Variants in BRI3BP observed in about 807,000 individuals in gnomAD.
The protein encoded by BRI3BP is BRI3 binding protein.
BRI3BP carries 7 observed loss-of-function variants against 15.8 expected under a neutral mutation model. That is an observed-to-expected ratio of 0.44 (90% CI 0.25 to 0.83). The LOEUF (loss-of-function observed/expected upper bound fraction) is 0.83, where lower values mean the gene tolerates loss of function less well. Ranked by LOEUF, BRI3BP falls within the 40% of genes least tolerant of loss-of-function variation. The pLI is 0.20. For missense variants in BRI3BP, 320 were observed against 339.3 expected (o/e 0.94, Z 0.45); for synonymous variants, 192 against 163.5 (o/e 1.17, Z -1.33).
chr12:125,005,179 G>C (rs886476913), intron 1 of BRI3BP, among the ~76,000 whole-genome samples: 1 of 152,118 alleles, frequency 6.6e-6, no homozygotes, highest in African/African-American at 2.4e-5. Context: ...CTCCCAATTG[G>C]AATTTGTCTG....
At chr12:125,009,931 A>G (rs898113983) in intron 1 of BRI3BP, among the ~76,000 whole-genome samples, 1 of 151,950 alleles carries the variant, frequency 6.6e-6, no homozygotes, top group South Asian at 2.1e-4. Flanking sequence ...GTGAAACCCC[A>G]TCTCTACTAA....
the BRI3BP span, among the ~76,000 whole-genome samples, chr12:125,036,703 T>C: frequency 6.6e-6 from 1 of 152,198 alleles, no homozygotes. Context: ...AAAATGTATA[T>C]GTTAAATCCC....
intron 1 of BRI3BP, among the ~76,000 whole-genome samples, chr12:125,002,330 T>A (rs370828678): frequency 0.06 from 9,162 of 152,054 alleles, 405 homozygotes; most frequent in Admixed American, 0.14. Context: ...TACCAGCATG[T>A]GGGGCCTGGT....
chr12:125,039,259 C>G, the BRI3BP span, among the ~76,000 whole-genome samples: 1 of 152,182 alleles, frequency 6.6e-6, no homozygotes, highest in South Asian at 2.1e-4. Context: ...GAGTGCAAGG[C>G]CCACGGGTTC....
chr12:125,022,617 C>T (rs12824191), intron 2 of BRI3BP, among the ~76,000 whole-genome samples: 20,261 of 150,980 alleles, frequency 0.13, 1,448 homozygotes, highest in South Asian at 0.22. Context: ...CCTCTGCCTC[C>T]CTGGGTTCAA....
At chr12:125,032,100 C>T (rs756969811), downstream of BRI3BP, among the ~76,000 whole-genome samples, 12 of 151,970 alleles carry the variant, frequency 7.9e-5, no homozygotes, top group African/African-American at 2.9e-4. Context: ...ACAGTAACAG[C>T]GTGGGGTGAG....
At chr12:124,999,194 C>A (rs1249159528) in intron 1 of BRI3BP, among the ~76,000 whole-genome samples, 1 of 152,126 alleles carries the variant, frequency 6.6e-6, no homozygotes, top group Non-Finnish European at 1.5e-5. Flanking sequence ...AATGCCAGGT[C>A]GAGAAACTAG....
the BRI3BP span, among the ~76,000 whole-genome samples, chr12:125,049,503 C>T: frequency 6.6e-6 from 1 of 151,932 alleles, no homozygotes; most frequent in Non-Finnish European, 1.5e-5. Context: ...AGGTCGTGAC[C>T]CCCTGGAGTC....
chr12:125,018,643 A>G (rs1036810262), intron 2 of BRI3BP, among the ~76,000 whole-genome samples: 1 of 151,738 alleles, frequency 6.6e-6, no homozygotes, highest in Non-Finnish European at 1.5e-5. Flanking sequence ...TCCAGCCTCC[A>G]AACAAACTGA....
Position 125,028,654 on chromosome 12 carries a change from ACT to A in BRI3BP, c.*3227_*3228del, listed in dbSNP as rs1240206771. On this transcript the variant is annotated 3_prime_UTR_variant, in exon 3 of 3. Transcript: ENST00000341446. ...CTGATAGAAATTCTGATTATTTGAA[ACT>A]CTGATAGAAATCCTAGATGCTAGAT... 4 of 151,982 alleles carry A rather than the reference ACT, an allele frequency of 2.6e-5. No homozygotes were observed. Among genetic ancestry groups the A allele is most frequent in the Non-Finnish European group, 5.9e-5 (4 of 68,000 alleles). The allele number at this position is 151,982 out of a possible 1,614,324, so 9.4% of individuals were successfully genotyped here.
chr12:125,014,571 G>T (rs1463715806), intron 2 of BRI3BP, among the ~76,000 whole-genome samples: 1 of 152,170 alleles, frequency 6.6e-6, no homozygotes, highest in South Asian at 2.1e-4. Flanking sequence ...CCAGCAGAGG[G>T]TGCCCACCAA....
chr12:125,024,207 A>G (rs2136000042), intron 2 of BRI3BP, among the ~76,000 whole-genome samples: 1 of 152,252 alleles, frequency 6.6e-6, no homozygotes, highest in East Asian at 1.9e-4. Context: ...GGAGAGAAAG[A>G]GAGAGCAAAG....
At chr12:125,014,486 C>T (rs1312729578) in intron 2 of BRI3BP, among the ~76,000 whole-genome samples, 11 of 152,290 alleles carry the variant, frequency 7.2e-5, no homozygotes, top group Middle Eastern at 3.4e-3. Context: ...AAAAGGTGCG[C>T]GAATTCCCGG....
intron 1 of BRI3BP, 21 bp downstream of exon 1, chr12:124,994,024 C>T (rs778917857): frequency 7.6e-7 from 1 of 1,308,178 alleles, no homozygotes. Context: ...GGCCCGCGCC[C>T]GCGGTCACCT....
At chr12:125,016,102 C>T (rs1346830829) in intron 2 of BRI3BP, among the ~76,000 whole-genome samples, 2 of 152,138 alleles carry the variant, frequency 1.3e-5, no homozygotes, top group Non-Finnish European at 2.9e-5. Context: ...AGCGGATCCA[C>T]GAGCCCTGAA....
At chr12:125,012,767 C>T (rs11057985) in intron 2 of BRI3BP, 131 bp downstream of exon 2, 100,375 of 695,216 alleles carry the variant, frequency 0.14, 7,651 homozygotes, top group Admixed American at 0.18. Flanking sequence ...TATGAGTGAA[C>T]ATTTTTTATT....
intron 1 of BRI3BP, among the ~76,000 whole-genome samples, chr12:125,004,737 C>T (rs866720165): frequency 1.3e-5 from 2 of 152,136 alleles, no homozygotes; most frequent in East Asian, 1.9e-4. Flanking sequence ...AGGATCCCAT[C>T]TGGGATCCCA....
chr12:124,994,729 G>T (rs1211827703), intron 1 of BRI3BP, among the ~76,000 whole-genome samples: 2 of 152,208 alleles, frequency 1.3e-5, no homozygotes, highest in African/African-American at 4.8e-5. Context: ...GCCGAAGTCC[G>T]CCGACTAGCT....
the BRI3BP span, among the ~76,000 whole-genome samples, chr12:125,042,948 T>C: frequency 6.6e-6 from 1 of 152,140 alleles, no homozygotes; most frequent in Non-Finnish European, 1.5e-5. Context: ...GTGCCCTGCC[T>C]GTTAAAGATG....
Sources: allele counts gnomAD v4.1 joint callset (sites outside exome capture counted in the v4.1 genomes callset), GRCh38; gene constraint gnomAD v4.1.1; transcripts MANE v1.5; gene names NCBI Gene and HGNC (gene_info 2026-07-23, HGNC 2026-07-21).